The following SH3GL3 variants were observed in gnomAD, a reference collection of about 807,000 sequenced individuals.
The protein encoded by SH3GL3 is endophilin-A3.
SH3GL3 carries 33 observed loss-of-function variants against 47.7 expected under a neutral mutation model. That is an observed-to-expected ratio of 0.69 (90% CI 0.52 to 0.92). The LOEUF is 0.92. SH3GL3 is among the 40% of genes least tolerant of loss of function. The pLI, the probability that SH3GL3 is intolerant of heterozygous loss-of-function variation, is 0.00. For missense variants in SH3GL3, 363 were observed against 417.8 expected (o/e 0.87, Z 1.14); for synonymous variants, 155 against 148.8 (o/e 1.04, Z -0.30).
chr15:83,626,582 C>A, the SH3GL3 span, among the ~76,000 whole-genome samples: 6 of 152,182 alleles, frequency 3.9e-5, no homozygotes, highest in African/African-American at 1.4e-4. Context: ...GATTTCTTAT[C>A]TTTTGCCTTA....
intron 1 of SH3GL3, among the ~76,000 whole-genome samples, chr15:83,502,994 G>C (rs1178717398): frequency 1.3e-5 from 2 of 152,102 alleles, no homozygotes; most frequent in Non-Finnish European, 2.9e-5. Context: ...TTCATTAATT[G>C]AGTGTTTGTA....
the SH3GL3 span, among the ~76,000 whole-genome samples, chr15:83,633,450 G>C: frequency 6.6e-6 from 1 of 152,078 alleles, no homozygotes; most frequent in South Asian, 2.1e-4. Context: ...GCTATCTAAC[G>C]ATGTGCTTAG....
At chr15:83,626,075 G>A in the SH3GL3 span, among the ~76,000 whole-genome samples, 1 of 152,172 alleles carries the variant, frequency 6.6e-6, no homozygotes, top group Non-Finnish European at 1.5e-5. Context: ...CAGGTGATCT[G>A]CCCGTGTTGG....
intron 1 of SH3GL3, among the ~76,000 whole-genome samples, chr15:83,475,191 A>G (rs1290615032): frequency 6.6e-6 from 1 of 151,786 alleles, no homozygotes; most frequent in Non-Finnish European, 1.5e-5. Context: ...TAAAAAAGTT[A>G]ACTAGGCTGG....
chr15:83,574,575 C>G (rs1039085017), intron 5 of SH3GL3, among the ~76,000 whole-genome samples: 8 of 152,170 alleles, frequency 5.3e-5, no homozygotes, highest in African/African-American at 1.9e-4. Context: ...CTCACTCCCT[C>G]CTGTCCATTC....
chr15:83,463,943 G>T (rs1215762878), intron 1 of SH3GL3, among the ~76,000 whole-genome samples: 1 of 151,908 alleles, frequency 6.6e-6, no homozygotes, highest in Non-Finnish European at 1.5e-5. Context: ...TGTATTTTTA[G>T]TAGAGATGGG....
At chr15:83,485,545 A>G (rs1428130747) in intron 1 of SH3GL3, among the ~76,000 whole-genome samples, 1 of 152,146 alleles carries the variant, frequency 6.6e-6, no homozygotes, top group Non-Finnish European at 1.5e-5. Flanking sequence ...GTACAGCAGC[A>G]TGATCATGGC....
intron 1 of SH3GL3, among the ~76,000 whole-genome samples, chr15:83,530,480 C>T (rs1157342115): frequency 1.3e-5 from 2 of 152,088 alleles, no homozygotes; most frequent in African/African-American, 4.8e-5. Context: ...TGCTAAATTC[C>T]AGTGTTTTCT....
chr15:83,611,244 G>GTCTCTCTC (rs35606421), intron 8 of SH3GL3, among the ~76,000 whole-genome samples: 2 of 149,244 alleles, frequency 1.3e-5, no homozygotes, highest in Non-Finnish European at 3.0e-5. Flanking sequence ...TTGTGGTAGG[G>GTCTCTCTC]TCTCTCTCTC....
At chr15:83,486,889 CAG>C (rs113903621) in intron 1 of SH3GL3, among the ~76,000 whole-genome samples, 178 of 148,120 alleles carry the variant, frequency 1.2e-3, no homozygotes, top group Admixed American at 1.5e-3. Context: ...CTTCACATGG[CAG>C]AGAGAGAGAG....
intron 8 of SH3GL3, among the ~76,000 whole-genome samples, chr15:83,595,709 G>C (rs2060220875): frequency 6.6e-6 from 1 of 151,442 alleles, no homozygotes; most frequent in African/African-American, 2.4e-5. Flanking sequence ...GTTTCTTCCT[G>C]AGTGAACTTT....
intron 1 of SH3GL3, among the ~76,000 whole-genome samples, chr15:83,461,031 C>G (rs1416232653): frequency 2.0e-5 from 3 of 151,272 alleles, no homozygotes; most frequent in Non-Finnish European, 4.4e-5. Context: ...TGTAGTGAGC[C>G]GAGATCACGC....
chr15:83,448,362 TG>T lies in SH3GL3; in HGVS notation c.45+786del, dbSNP rs1420378408. Among the ~76,000 whole-genome samples, 1 of 151,726 alleles carries T rather than the reference TG, an allele frequency of 6.6e-6. No homozygotes were observed. The highest frequency in any genetic ancestry group is 1.9e-4 in the East Asian group (1 of 5,152). On this transcript the variant is annotated intron_variant, in intron 1 of 8. Transcript: ENST00000427482. The surrounding 1 kb of genome is among the most constrained non-coding windows in gnomAD (Gnocchi z 4.2). ...GAGAATTAAGTATGAGGAAGAATTATGGCTGAGGGTGTGGGATGATAGGAGG... is the reference window on the plus strand; with the variant it reads ...GAGAATTAAGTATGAGGAAGAATTATGCTGAGGGTGTGGGATGATAGGAGG...
At chr15:83,475,494 A>C (rs2041055063) in intron 1 of SH3GL3, among the ~76,000 whole-genome samples, 2 of 152,070 alleles carry the variant, frequency 1.3e-5, no homozygotes, top group South Asian at 4.2e-4. Context: ...ATAAATCAAT[A>C]AATAAAATAA....
intron 1 of SH3GL3, among the ~76,000 whole-genome samples, chr15:83,460,880 C>T (rs935057518): frequency 3.9e-5 from 6 of 151,970 alleles, no homozygotes; most frequent in Non-Finnish European, 8.8e-5. Flanking sequence ...GTCAGGAGAT[C>T]GAGACCAGCC....
At chr15:83,512,176 T>C (rs994818012) in intron 1 of SH3GL3, among the ~76,000 whole-genome samples, 1 of 152,064 alleles carries the variant, frequency 6.6e-6, no homozygotes, top group African/African-American at 2.4e-5. Context: ...TGGGTGACTT[T>C]TTAATTCTTC....
chr15:83,575,523 A>G (rs1478409910), intron 5 of SH3GL3, among the ~76,000 whole-genome samples: 1 of 152,246 alleles, frequency 6.6e-6, no homozygotes, highest in Non-Finnish European at 1.5e-5. Context: ...AGCCTTTCAT[A>G]GTCTCAGCTA....
At chr15:83,502,345 G>A (rs1435436987) in intron 1 of SH3GL3, among the ~76,000 whole-genome samples, 4 of 152,224 alleles carry the variant, frequency 2.6e-5, no homozygotes, top group African/African-American at 9.7e-5. Flanking sequence ...GCCATGTTTG[G>A]TGTAATGGTG....
At chr15:83,494,650 C>G (rs1275899254) in intron 1 of SH3GL3, among the ~76,000 whole-genome samples, 1 of 151,500 alleles carries the variant, frequency 6.6e-6, no homozygotes, top group South Asian at 2.1e-4. Context: ...TCAAGCGATT[C>G]TCCTGCCTCA....
Sources: allele counts gnomAD v4.1 joint callset (sites outside exome capture counted in the v4.1 genomes callset), GRCh38; gene constraint gnomAD v4.1.1; non-coding constraint Gnocchi (gnomAD v3.1); transcripts MANE v1.5; gene names NCBI Gene and HGNC (gene_info 2026-07-23, HGNC 2026-07-21).